The following BTBD16 variants were observed in gnomAD, a reference collection of about 807,000 sequenced individuals.
BTBD16 encodes BTB domain containing 16.
In BTBD16, 66 loss-of-function variants were observed where a neutral mutation model predicts 67.4. That is an observed-to-expected ratio of 0.98 (90% CI 0.80 to 1.20). The LOEUF is 1.20. Among genes scored for constraint, BTBD16 ranks in the 50% most tolerant of loss-of-function variants. The probability of loss-of-function intolerance (pLI) is 0.00; values close to 1 mark genes in which losing one functional copy is unlikely to be tolerated. For missense variants in BTBD16, 634 were observed against 616.0 expected, an observed-to-expected ratio of 1.03 and a Z score of -0.31; for synonymous variants, 242 against 236.4, an observed-to-expected ratio of 1.02 and a Z score of -0.22.
chr10:122,297,864 C>A (rs749114823), intron 8 of BTBD16, 27 bp downstream of exon 8: 1 of 1,610,190 alleles, frequency 6.2e-7, no homozygotes. Flanking sequence ...CGGGGCACAT[C>A]GCCCCTTGGG....
rs187208093 is a variant in BTBD16 at position 122,321,203 on chromosome 10, G to A, written c.912-8277G>A. 1.1e-4 allele frequency among the ~76,000 whole-genome samples: 17 copies of A among 152,290 alleles called. No homozygotes were observed. The East Asian group carries it at 3.3e-3, about 29-fold the overall frequency. ...ATAATATATATATTTTTTAATGGCT[G>A]TGTGGGATTCCATGGTATATATGCA... On this transcript the variant is annotated intron_variant, in intron 10 of 15. Coordinates refer to ENST00000260723, the MANE Select transcript of BTBD16 (RefSeq NM_144587.5).
At chr10:122,290,994 C>T in intron 6 of BTBD16, 86 bp from the exon 7 acceptor site, 3 of 1,411,148 alleles carry the variant, frequency 2.1e-6, no homozygotes, top group Non-Finnish European at 2.8e-6. Context: ...CTCTGCCTGC[C>T]CAGCTGCAGG....
chr10:122,287,615 C>A, intron 5 of BTBD16: 1 of 355,670 alleles, frequency 2.8e-6, no homozygotes, highest in Non-Finnish European at 3.9e-6. Context: ...CACAGTCCTT[C>A]ATGTGCCTTT....
In BTBD16 at chr10:122,336,807, G is replaced by C. The variant is rs2096464064; in HGVS notation, c.1452+125G>C. 5.0e-6 allele frequency: 4 copies of C among 803,224 alleles called. No individual in the cohort carries two copies. The South Asian group carries it at 1.0e-4, about 20-fold the overall frequency. The allele number at this position is 803,224 out of a possible 1,614,324, so 49.8% of individuals were successfully genotyped here. On this transcript the variant is annotated intron_variant, in intron 15 of 15. Transcript: ENST00000260723. ...GAAGATCCCTGGAAAATCTGGCTCA[G>C]TTTCTTAAGGATTATCACAGCCTCA...
At chr10:122,278,558 G>A (rs911020321) in intron 3 of BTBD16, among the ~76,000 whole-genome samples, 1 of 152,150 alleles carries the variant, frequency 6.6e-6, no homozygotes, top group Non-Finnish European at 1.5e-5. Context: ...ATTAATCCCG[G>A]TGATTTCATC....
At chr10:122,326,790 G>T (rs2096445669) in intron 10 of BTBD16, among the ~76,000 whole-genome samples, 1 of 152,150 alleles carries the variant, frequency 6.6e-6, no homozygotes, top group Non-Finnish European at 1.5e-5. Flanking sequence ...ATGCCCCAGG[G>T]TTTCTCAGTG....
At position 122,307,276 on chromosome 10, in the gene BTBD16, G is replaced by A. The variant is rs60306660; in HGVS notation, c.879G>A (p.Pro293=). The change falls in exon 10 of 16, where the codon CCG becomes CCA. Residue 293 remains proline, a synonymous_variant. Transcript: ENST00000260723. ...LQLNYKIQAI[P]TYETVMTFFK... ...TGAACTACAAGATTCAGGCAATTCC[G>A]ACTTATGAAACCGTGATGACATTTT... 9,011 of 1,607,106 alleles carry A rather than the reference G, an allele frequency of 5.6e-3. 185 individuals carry two copies. The highest frequency in any genetic ancestry group is 0.048 in the South Asian group (4,284 of 88,848).
At chr10:122,324,931 A>G (rs566001809) in intron 10 of BTBD16, among the ~76,000 whole-genome samples, 1 of 152,226 alleles carries the variant, frequency 6.6e-6, no homozygotes, top group East Asian at 1.9e-4. Flanking sequence ...GGAGTTTCTT[A>G]AAAAGGGCAG....
chr10:122,283,753 G>T lies in BTBD16; in HGVS notation c.168-98G>T. Reference sequence around the variant, plus strand: ...CGAGATATGATTAGCTTGATCAATGGGTGCTTTAAGGACATTTATGCTAGA... The same window carrying T: ...CGAGATATGATTAGCTTGATCAATGTGTGCTTTAAGGACATTTATGCTAGA... On this transcript the variant is annotated intron_variant, in intron 3 of 15. Transcript: ENST00000260723. The T allele has an allele frequency of 4.5e-6, 4 of 891,698 alleles. No individual in the cohort carries two copies. The Admixed American group carries it at 6.0e-5, about 13-fold the overall frequency. The allele number at this position is 891,698 out of a possible 1,614,324, so 55.2% of individuals were successfully genotyped here.
chr10:122,302,218 A>G (rs771694697), intron 9 of BTBD16, among the ~76,000 whole-genome samples: 76 of 152,150 alleles, frequency 5.0e-4, no homozygotes, highest in Non-Finnish European at 9.4e-4. Flanking sequence ...TCCATTTTGT[A>G]AACCACCTGG....
At chr10:122,336,367 A>G in intron 14 of BTBD16, 127 bp from the exon 15 acceptor site, 2 of 788,110 alleles carry the variant, frequency 2.5e-6, no homozygotes, top group Non-Finnish European at 3.7e-6. Flanking sequence ...GATGGTGCCA[A>G]TTGGGAAATG....
intron 10 of BTBD16, among the ~76,000 whole-genome samples, chr10:122,310,249 G>A (rs2096411416): frequency 6.6e-6 from 1 of 152,234 alleles, no homozygotes; most frequent in Non-Finnish European, 1.5e-5. Context: ...CAGCTTTTCT[G>A]TAGGCTCTGA....
intron 14 of BTBD16, 25 bp downstream of exon 14, chr10:122,335,004 A>ATC: frequency 8.7e-7 from 1 of 1,144,640 alleles, no homozygotes; most frequent in Non-Finnish European, 1.3e-6. Flanking sequence ...CATGAAAGTT[A>ATC]TGTCTCTGAG....
chr10:122,326,468 T>C (rs2096444955), intron 10 of BTBD16, among the ~76,000 whole-genome samples: 1 of 152,172 alleles, frequency 6.6e-6, no homozygotes, highest in South Asian at 2.1e-4. Context: ...GCTTCCAGGT[T>C]CATCATGCTG....
In BTBD16 at chr10:122,336,613, G is replaced by A. The variant is rs749287469; in HGVS notation, c.1383G>A (p.Lys461=). 4 of 1,612,926 alleles carry A rather than the reference G, an allele frequency of 2.5e-6. No individual in the cohort carries two copies. Among genetic ancestry groups the A allele is most frequent in the East Asian group, 2.2e-5 (1 of 44,796 alleles). ...GAGCAGAGGCCCTGGTTGACGGCAA[G>A]TGGCAGGAGTTCAGGACAAACCAGA... ...EIRAEALVDG[K]WQEFRTNQIK... Residue 461 remains lysine, a synonymous_variant, in exon 15 of 16, where the codon AAG becomes AAA. Coordinates refer to ENST00000260723, the MANE Select transcript of BTBD16 (RefSeq NM_144587.5).
chr10:122,332,864 G>C, intron 13 of BTBD16: 1 of 985,450 alleles, frequency 1.0e-6, no homozygotes. Context: ...AACACCAACA[G>C]TTGCAAACTG....
chr10:122,300,961 G>GT lies in BTBD16; in HGVS notation c.791+1830dup, dbSNP rs528412709. On this transcript the variant is annotated intron_variant, in intron 9 of 15. Transcript: ENST00000260723. ...GCTATGTAGCATGCAATGCCCTCAC[G>GT]TTTACAGAGATGGGAGGCAGGTAGA... Among the ~76,000 whole-genome samples, 31 of 152,278 alleles carry GT rather than the reference G, an allele frequency of 2.0e-4. 1 individual carries two copies. The South Asian group carries it at 5.4e-3, about 26-fold the overall frequency.
At chr10:122,309,505 C>T (rs528948921) in intron 10 of BTBD16, among the ~76,000 whole-genome samples, 4 of 152,128 alleles carry the variant, frequency 2.6e-5, no homozygotes, top group Admixed American at 2.6e-4. Flanking sequence ...CCACCACACC[C>T]AGCTAATTTT....
chr10:122,291,854 C>T (rs1050703522), intron 7 of BTBD16, among the ~76,000 whole-genome samples: 4 of 152,096 alleles, frequency 2.6e-5, no homozygotes, highest in South Asian at 4.1e-4. Flanking sequence ...GGCTGCCCAT[C>T]GGGAGGGTTC....
Sources: gnomAD v4.1 joint callset for allele counts (sites outside exome capture counted in the v4.1 genomes callset) on GRCh38, gnomAD v4.1.1 for gene constraint, MANE v1.5 for transcripts, NCBI Gene and HGNC (gene_info 2026-07-23, HGNC 2026-07-21) for gene names.